Variants in TFDP1 observed in about 807,000 individuals in gnomAD.
TFDP1 encodes transcription factor Dp-1.
Under a neutral mutation model 48.0 loss-of-function variants are expected in TFDP1, and 6 were observed. That is an observed-to-expected ratio of 0.13 (90% confidence interval 0.07 to 0.25). The LOEUF (loss-of-function observed/expected upper bound fraction) is 0.25. Ranked by LOEUF, TFDP1 falls within the 10% of genes least tolerant of loss-of-function variation. The probability of loss-of-function intolerance (pLI) is 1.00; values close to 1 mark genes in which losing one functional copy is unlikely to be tolerated. For missense variants in TFDP1, 335 were observed against 543.0 expected (o/e 0.62, Z 3.81); for synonymous variants, 201 against 211.6 (o/e 0.95, Z 0.44).
intron 2 of TFDP1, among the ~76,000 whole-genome samples, 198 bp from the exon 3 acceptor site, chr13:113,610,798 T>C (rs1358275688): frequency 6.6e-6 from 1 of 152,258 alleles, no homozygotes; most frequent in Non-Finnish European, 1.5e-5. Flanking sequence ...TTTGGCCCTG[T>C]AGGTGCCATG....
chr13:113,593,805 T>C (rs2048212164), intron 2 of TFDP1, among the ~76,000 whole-genome samples: 1 of 138,422 alleles, frequency 7.2e-6, no homozygotes, highest in South Asian at 2.5e-4. Flanking sequence ...TCCTCAGCTA[T>C]ACACAGGTGT....
intron 2 of TFDP1, 91 bp downstream of exon 2, chr13:113,585,940 T>G (rs2047992715): frequency 1.4e-6 from 2 of 1,395,164 alleles, no homozygotes; most frequent in African/African-American, 1.4e-5. Flanking sequence ...TGACAACACA[T>G]AAGCTACAGT....
intron 3 of TFDP1, among the ~76,000 whole-genome samples, chr13:113,619,403 G>A (rs565629704): frequency 5.9e-5 from 9 of 151,612 alleles, no homozygotes; most frequent in East Asian, 3.9e-4. Context: ...CGCGGGAGGC[G>A]GAGCTTGCAG....
intron 3 of TFDP1, among the ~76,000 whole-genome samples, chr13:113,613,435 A>G (rs966181816): frequency 1.5e-4 from 23 of 152,262 alleles, no homozygotes; most frequent in Admixed American, 6.5e-5. Flanking sequence ...GGTGAGCACC[A>G]ATGTTCACTT....
chr13:113,592,657 A>G (rs987501693), intron 2 of TFDP1, among the ~76,000 whole-genome samples: 1 of 152,210 alleles, frequency 6.6e-6, no homozygotes, highest in Non-Finnish European at 1.5e-5. Flanking sequence ...GTGAATGGGG[A>G]AGCAGGAGAG....
rs1197894986 is a variant in TFDP1, at chr13:113,633,873, C to T, written c.475-17C>T. 3.8e-6 allele frequency: 6 copies of T among 1,599,402 alleles called. No individual in the cohort carries two copies. Among genetic ancestry groups the T allele is most frequent in the African/African-American group, 2.7e-5 (2 of 74,578 alleles). The stretch of plus-strand genomic sequence containing the variant: ...CTTTTTGGATCATTTGGAAACTCCA[C>T]TCCCTGTCATCCCCAGGCTTATGAC... On this transcript the variant is annotated splice_polypyrimidine_tract_variant and intron_variant, in intron 6 of 11. Coordinates refer to ENST00000375370, the MANE Select transcript of TFDP1 (RefSeq NM_007111.5). The surrounding 1 kb of genome is among the most constrained non-coding windows in gnomAD (Gnocchi z 4.5).
chr13:113,635,268 G>A (rs1280598687), intron 8 of TFDP1, among the ~76,000 whole-genome samples: 1 of 152,220 alleles, frequency 6.6e-6, no homozygotes, highest in African/African-American at 2.4e-5. Context: ...GTGTGCTCGA[G>A]CCCTCCCAGA....
intron 2 of TFDP1, among the ~76,000 whole-genome samples, chr13:113,606,643 C>G (rs940985459): frequency 2.0e-5 from 3 of 152,168 alleles, no homozygotes; most frequent in Non-Finnish European, 2.9e-5. Flanking sequence ...CACGTCTCCC[C>G]AGTTCACCTG....
Position 113,641,289 on chromosome 13 carries a change from C to T in TFDP1, c.*1022C>T, listed in dbSNP as rs1292172170. On this transcript the variant is annotated 3_prime_UTR_variant, in exon 12 of 12. Coordinates refer to ENST00000375370, the MANE Select transcript of TFDP1 (RefSeq NM_007111.5). Reference sequence around the variant, plus strand: ...GCAGTAGTCTCTTTTAAAATTTATTCACAAAACCCATTAACTGCACAGTTG... The same window carrying T: ...GCAGTAGTCTCTTTTAAAATTTATTTACAAAACCCATTAACTGCACAGTTG... 1 of 152,184 alleles carries T rather than the reference C, an allele frequency of 6.6e-6. No homozygotes were observed. The highest frequency in any genetic ancestry group is 1.5e-5 in the Non-Finnish European group (1 of 68,038). The allele number at this position is 152,184 out of a possible 1,614,324, so 9.4% of individuals were successfully genotyped here. A position where few individuals can be genotyped will look rare whatever the true frequency, so the allele number is the denominator to read the frequency against.
chr13:113,620,169 C>T (rs1256950870), intron 3 of TFDP1, among the ~76,000 whole-genome samples: 1 of 152,194 alleles, frequency 6.6e-6, no homozygotes, highest in African/African-American at 2.4e-5. Context: ...GTGGGTGGAG[C>T]AGATGGAGGG....
Position 113,598,063 on chromosome 13 carries a change from A to G in TFDP1, c.12+12214A>G, listed in dbSNP as rs2048328216. 6.6e-6 allele frequency among the ~76,000 whole-genome samples: 1 copy of G among 152,138 alleles called. No homozygotes were observed. The highest frequency in any genetic ancestry group is 2.1e-4 in the South Asian group (1 of 4,824). On this transcript the variant is annotated intron_variant, in intron 2 of 11. Transcript: ENST00000375370. The surrounding 1 kb of genome is among the most constrained non-coding windows in gnomAD (Gnocchi z 4.2). ...AAGAAAAGGGAGTGGAGCCGCCGAC[A>G]TTTCAGGTGAGTTGTCATCAAGAGT...
chr13:113,616,695 T>G (rs954760059), intron 3 of TFDP1, among the ~76,000 whole-genome samples: 3 of 152,202 alleles, frequency 2.0e-5, no homozygotes, highest in African/African-American at 2.4e-5. Flanking sequence ...GTCAGAAGCT[T>G]AGTGTTGCTT....
At chr13:113,631,979 G>A (rs2049349193) in intron 5 of TFDP1, 2 of 531,242 alleles carry the variant, frequency 3.8e-6, no homozygotes, top group Admixed American at 3.7e-5. Flanking sequence ...TTTGTGTCTG[G>A]TGTAGTGGGT....
At chr13:113,609,056 G>A (rs112242825) in intron 2 of TFDP1, among the ~76,000 whole-genome samples, 194 of 152,384 alleles carry the variant, frequency 1.3e-3, no homozygotes, top group African/African-American at 4.3e-3. Context: ...TTGACCGCAC[G>A]TCATGCTTTT....
intron 4 of TFDP1, among the ~76,000 whole-genome samples, chr13:113,624,331 GTC>G (rs144839575): frequency 0.01 from 1,540 of 151,996 alleles, 28 homozygotes; most frequent in African/African-American, 0.035. Context: ...GTCCTCACGT[GTC>G]TCTCGGGTGT....
chr13:113,636,246 A>C, intron 9 of TFDP1, 118 bp downstream of exon 9: 1 of 1,383,660 alleles, frequency 7.2e-7, no homozygotes, highest in Non-Finnish European at 1.0e-6. Flanking sequence ...AATGTTGCAC[A>C]AATTGCTGTC....
Position 113,627,825 on chromosome 13 carries a change from C to T in TFDP1, c.187-3798C>T, listed in dbSNP as rs915421886. On this transcript the variant is annotated intron_variant, in intron 4 of 11. Coordinates refer to ENST00000375370, the MANE Select transcript of TFDP1 (RefSeq NM_007111.5). This position sits in a 1 kb window ranked among gnomAD's most constrained non-coding sequence, Gnocchi z 4.1. Reference sequence around the variant, plus strand: ...GGGACAGTTTCTTCCCGAAACTACCCCCGACTCCGGTCTGTGGAAAAACTG... The same window carrying T: ...GGGACAGTTTCTTCCCGAAACTACCTCCGACTCCGGTCTGTGGAAAAACTG... Among the ~76,000 whole-genome samples the T allele has an allele frequency of 6.6e-6, 1 of 152,164 alleles. No homozygotes were observed. The highest frequency in any genetic ancestry group is 6.5e-5 in the Admixed American group (1 of 15,276).
At position 113,591,474 on chromosome 13, in the gene TFDP1, TCTTTA is replaced by T. The variant is rs374637492; in HGVS notation, c.12+5630_12+5634del. On this transcript the variant is annotated intron_variant, in intron 2 of 11. Coordinates refer to ENST00000375370, the MANE Select transcript of TFDP1 (RefSeq NM_007111.5). ...CTTACATAATCAGCTCTTTGTTAGC[TCTTTA>T]CTTTTGGTATTTGGAAGAAATCTCT... Among the ~76,000 whole-genome samples the T allele has an allele frequency of 2.8e-4, 43 of 152,354 alleles. No individual in the cohort carries two copies. The East Asian group carries it at 7.9e-3, about 28-fold the overall frequency.
At chr13:113,609,738 T>C (rs2140390922) in intron 2 of TFDP1, among the ~76,000 whole-genome samples, 1 of 152,232 alleles carries the variant, frequency 6.6e-6, no homozygotes, top group Middle Eastern at 3.4e-3. Context: ...CATGGTGTTA[T>C]CTACGGAAGG....
Sources: gnomAD v4.1 joint callset for allele counts (sites outside exome capture counted in the v4.1 genomes callset) on GRCh38, gnomAD v4.1.1 for gene constraint, Gnocchi (gnomAD v3.1) non-coding constraint, MANE v1.5 for transcripts, NCBI Gene and HGNC (gene_info 2026-07-23, HGNC 2026-07-21) for gene names.